EYS: variants seen among roughly 807,000 people sequenced by gnomAD.
EYS encodes the protein EGF-like photoreceptor maintenance factor.
In EYS, 250 loss-of-function variants were observed where a neutral mutation model predicts 282.1. The ratio of observed to expected loss-of-function variants is 0.89; its 90% CI spans 0.80 to 0.98. The LOEUF (loss-of-function observed/expected upper bound fraction) is 0.98. Among genes scored for constraint, EYS ranks in the 50% least tolerant of loss-of-function variants. EYS has a pLI of 0.00. For missense variants in EYS, 4,016 were observed against 3,709.0 expected (o/e 1.08, Z -2.15); for synonymous variants, 1,355 against 1,282.9 (o/e 1.06, Z -1.20).
chr6:64,806,235 T>A (rs887696817), intron 22 of EYS, among the ~76,000 whole-genome samples: 4 of 151,814 alleles, frequency 2.6e-5, no homozygotes, highest in African/African-American at 9.7e-5. Context: ...TTTTCCAAGC[T>A]GTAAAACTAA....
rs1768064592 is a variant in EYS, at chr6:64,639,688, T to C, written c.3444-13443A>G. Among the ~76,000 whole-genome samples, 2 of 90,622 alleles carry C rather than the reference T, an allele frequency of 2.2e-5. 1 individual carries two copies. The highest frequency in any genetic ancestry group is 4.8e-5 in the Non-Finnish European group (2 of 42,068). 59.5% of individuals were successfully genotyped at this position (90,622 alleles called of 152,430 possible). ...TTCATGTCTAAAACACCAAAAGCAA[T>C]GGCAACAAAAGACAAAATTGACAAA... On this transcript the variant is annotated intron_variant, in intron 22 of 42. Coordinates refer to ENST00000503581, the MANE Select transcript of EYS (RefSeq NM_001142800.2).
chr6:65,110,167 GT>G (rs1392958616), intron 12 of EYS, among the ~76,000 whole-genome samples: 1 of 152,030 alleles, frequency 6.6e-6, no homozygotes, highest in Non-Finnish European at 1.5e-5. Flanking sequence ...TAGAAAACCA[GT>G]TTTTCTACTA....
chr6:64,085,175 G>A (rs565564309), intron 31 of EYS, among the ~76,000 whole-genome samples: 2 of 151,770 alleles, frequency 1.3e-5, no homozygotes, highest in African/African-American at 2.4e-5. Context: ...ATGGGTTTTC[G>A]CTATGTTGGC....
intron 28 of EYS, among the ~76,000 whole-genome samples, chr6:64,404,959 T>C (rs1279594551): frequency 2.0e-5 from 3 of 152,142 alleles, no homozygotes; most frequent in Admixed American, 6.5e-5. Context: ...GCCACTTAAC[T>C]TTTTTTAACA....
chr6:64,468,891 T>G (rs1393496687), intron 26 of EYS, among the ~76,000 whole-genome samples: 1 of 152,226 alleles, frequency 6.6e-6, no homozygotes, highest in Non-Finnish European at 1.5e-5. Flanking sequence ...GCTTTCTTTA[T>G]CCAGTCTGCC....
At chr6:65,443,128 ACAT>A (rs1310807627) in intron 5 of EYS, among the ~76,000 whole-genome samples, 2 of 144,886 alleles carry the variant, frequency 1.4e-5, no homozygotes, top group East Asian at 2.2e-4. Context: ...ATATATGTAC[ACAT>A]CATACATATA....
At chr6:64,905,060 A>G (rs189016676) in intron 16 of EYS, among the ~76,000 whole-genome samples, 1 of 152,322 alleles carries the variant, frequency 6.6e-6, no homozygotes, top group Admixed American at 6.5e-5. Context: ...TTGGTCAATG[A>G]CAGACCACAT....
chr6:64,626,115 A>G lies in EYS; in HGVS notation c.3568+6T>C, dbSNP rs1304055476. The G allele has an allele frequency of 4.6e-6, 7 of 1,511,516 alleles. No individual in the cohort carries two copies. The highest frequency in any genetic ancestry group is 6.3e-6 in the Non-Finnish European group (7 of 1,116,890). The allele number at this position is 1,511,516 out of a possible 1,614,324, so 93.6% of individuals were successfully genotyped here. A position where few individuals can be genotyped will look rare whatever the true frequency, so the allele number is the denominator to read the frequency against. The stretch of plus-strand genomic sequence containing the variant: ...GCAGTATGCTTATTATTTTTAAAAT[A>G]ATTACCTGGTTGGCATTTGCAAACA... On this transcript the variant is annotated splice_donor_region_variant and intron_variant, in intron 23 of 42. Transcript: ENST00000503581.
At chr6:64,816,440 A>G (rs1764742863) in intron 21 of EYS, among the ~76,000 whole-genome samples, 1 of 152,072 alleles carries the variant, frequency 6.6e-6, no homozygotes, top group Non-Finnish European at 1.5e-5. Flanking sequence ...TGCTGTTGGT[A>G]GTAAAAAGAG....
chr6:65,008,979 A>C (rs1771779057), intron 13 of EYS, among the ~76,000 whole-genome samples: 1 of 152,110 alleles, frequency 6.6e-6, no homozygotes, highest in African/African-American at 2.4e-5. Context: ...CTCTTTTCAC[A>C]TGCTTTTCTA....
chr6:65,192,928 C>A (rs940185070), intron 12 of EYS, among the ~76,000 whole-genome samples: 3 of 151,760 alleles, frequency 2.0e-5, no homozygotes, highest in Non-Finnish European at 4.4e-5. Context: ...CATGTTAACT[C>A]CACTCTTCAA....
chr6:64,046,342 T>C (rs1389194435), intron 33 of EYS, among the ~76,000 whole-genome samples: 1 of 152,008 alleles, frequency 6.6e-6, no homozygotes. Flanking sequence ...CCTGTCCGTA[T>C]CTATCTATTG....
chr6:63,951,136 A>G (rs1562112072), intron 35 of EYS, among the ~76,000 whole-genome samples: 2 of 151,882 alleles, frequency 1.3e-5, no homozygotes, highest in Admixed American at 1.3e-4. Flanking sequence ...CCTTCACTAT[A>G]GGCAACCTTC....
chr6:64,450,767 T>C (rs1282325132), intron 26 of EYS, among the ~76,000 whole-genome samples: 1 of 152,088 alleles, frequency 6.6e-6, no homozygotes, highest in Non-Finnish European at 1.5e-5. Context: ...ACTGGGTACA[T>C]AATGAAATGA....
At chr6:64,578,103 T>C (rs886095904) in intron 26 of EYS, among the ~76,000 whole-genome samples, 8 of 152,074 alleles carry the variant, frequency 5.3e-5, no homozygotes, top group Non-Finnish European at 7.4e-5. Flanking sequence ...ATTCTCCCTT[T>C]GTGTATTCCT....
chr6:64,283,401 A>G (rs1768379881), intron 30 of EYS, among the ~76,000 whole-genome samples: 2 of 152,190 alleles, frequency 1.3e-5, no homozygotes, highest in Non-Finnish European at 2.9e-5. Context: ...CTATACTAAC[A>G]TATTAGCTCT....
chr6:64,798,651 G>A, intron 22 of EYS, among the ~76,000 whole-genome samples: 1 of 89,476 alleles, frequency 1.1e-5, no homozygotes, highest in Non-Finnish European at 2.1e-5. Context: ...AAAAAACATT[G>A]CATTAATAAC....
intron 19 of EYS, among the ~76,000 whole-genome samples, chr6:64,857,876 A>G (rs1184677938): frequency 6.6e-6 from 1 of 152,130 alleles, no homozygotes; most frequent in African/African-American, 2.4e-5. Flanking sequence ...GCATTTTTTC[A>G]TATACCTATC....
intron 30 of EYS, among the ~76,000 whole-genome samples, chr6:64,301,839 A>G (rs551640673): frequency 6.6e-6 from 1 of 152,286 alleles, no homozygotes; most frequent in East Asian, 1.9e-4. Flanking sequence ...GAAAGTGGCC[A>G]TTTGGTGGAG....
Sources: allele counts gnomAD v4.1 joint callset (sites outside exome capture counted in the v4.1 genomes callset), GRCh38; gene constraint gnomAD v4.1.1; transcripts MANE v1.5; gene names NCBI Gene and HGNC (gene_info 2026-07-23, HGNC 2026-07-21).